Variants in PTPRD observed in about 807,000 individuals in gnomAD.
PTPRD encodes protein tyrosine phosphatase receptor type D, also known as receptor-type tyrosine-protein phosphatase delta.
In PTPRD, 34 loss-of-function variants were observed where a neutral mutation model predicts 214.5. The observed-to-expected ratio is 0.16, with a 90% CI of 0.12 to 0.21. The LOEUF (loss-of-function observed/expected upper bound fraction) is 0.21, where lower values mean the gene tolerates loss of function less well. Ranked by LOEUF, PTPRD falls within the 10% of genes least tolerant of loss-of-function variation. PTPRD has a pLI of 1.00. For missense variants in PTPRD, 2,545 were observed against 2,398.7 expected (o/e 1.06, Z -1.27); for synonymous variants, 1,128 against 845.7 (o/e 1.33, Z -5.79).
At chr9:8,520,300 G>A (rs1373216031) in intron 20 of PTPRD, among the ~76,000 whole-genome samples, 4 of 152,064 alleles carry the variant, frequency 2.6e-5, no homozygotes, top group Non-Finnish European at 5.9e-5. Flanking sequence ...TTGACAATGT[G>A]TACCTTTGTT....
At chr9:9,764,816 C>A (rs988490239) in intron 6 of PTPRD, among the ~76,000 whole-genome samples, 2 of 152,066 alleles carry the variant, frequency 1.3e-5, no homozygotes, top group African/African-American at 4.8e-5. Context: ...TCACGATCCC[C>A]CCAACTGCCT....
chr9:8,742,893 T>G (rs1329351801), intron 11 of PTPRD, among the ~76,000 whole-genome samples: 2 of 152,140 alleles, frequency 1.3e-5, no homozygotes, highest in Non-Finnish European at 2.9e-5. Context: ...CCTCAGGGAA[T>G]GCCTAGAGAC....
intron 10 of PTPRD, among the ~76,000 whole-genome samples, chr9:9,116,984 G>T (rs2099812981): frequency 6.6e-6 from 1 of 152,190 alleles, no homozygotes; most frequent in East Asian, 1.9e-4. Flanking sequence ...TGCTCAGGGT[G>T]TGTGTGTGTC....
At chr9:8,870,934 A>T (rs1371760419) in intron 11 of PTPRD, among the ~76,000 whole-genome samples, 6 of 152,170 alleles carry the variant, frequency 3.9e-5, no homozygotes, top group Non-Finnish European at 7.4e-5. Flanking sequence ...TGGGCATCCA[A>T]AAGGGTAGAA....
chr9:8,345,083 C>G (rs1336898542), intron 39 of PTPRD, among the ~76,000 whole-genome samples: 1 of 151,958 alleles, frequency 6.6e-6, no homozygotes, highest in African/African-American at 2.4e-5. Flanking sequence ...TCTACTCTCT[C>G]AAGCTGCTCT....
intron 4 of PTPRD, among the ~76,000 whole-genome samples, chr9:9,988,093 T>G (rs2095785767): frequency 6.6e-6 from 1 of 152,162 alleles, no homozygotes; most frequent in Non-Finnish European, 1.5e-5. Context: ...TTGGGAGTGT[T>G]TGATAGCTAA....
At chr9:9,494,509 C>T (rs534472385) in intron 8 of PTPRD, among the ~76,000 whole-genome samples, 4 of 152,134 alleles carry the variant, frequency 2.6e-5, no homozygotes, top group South Asian at 2.1e-4. Flanking sequence ...GAGCCTCCAC[C>T]GGCAAAATGA....
At chr9:8,789,939 G>C (rs1333777708) in intron 11 of PTPRD, among the ~76,000 whole-genome samples, 4 of 152,142 alleles carry the variant, frequency 2.6e-5, no homozygotes, top group Non-Finnish European at 5.9e-5. Flanking sequence ...GGAAATGACA[G>C]ATAAATTCCA....
At chr9:8,526,559 A>T in intron 17 of PTPRD, 68 bp downstream of exon 17, 1 of 1,383,414 alleles carries the variant, frequency 7.2e-7, no homozygotes, top group Non-Finnish European at 9.8e-7. Context: ...CAGGACAAAG[A>T]TGAGAGGGAT....
At chr9:9,429,621 T>C (rs966503537) in intron 8 of PTPRD, among the ~76,000 whole-genome samples, 2 of 152,058 alleles carry the variant, frequency 1.3e-5, no homozygotes, top group African/African-American at 4.8e-5. Flanking sequence ...TAGACCAATA[T>C]CCCTGATGAA....
Position 9,572,972 on chromosome 9 carries a change from T to G in PTPRD, c.-237+1760A>C, listed in dbSNP as rs76348299. On this transcript the variant is annotated intron_variant, in intron 8 of 45. Transcript: ENST00000381196. ...ATAAACACTTGGTGAATTGTCAATA[T>G]GTACTGAAGCAGAACATGAGCATAT... Among the ~76,000 whole-genome samples the G allele has an allele frequency of 3.3e-3, 499 of 151,736 alleles. 2 individuals are homozygous for G. The highest frequency in any genetic ancestry group is 0.011 in the African/African-American group (476 of 41,504).
At chr9:8,557,732 G>C (rs1219807608) in intron 14 of PTPRD, among the ~76,000 whole-genome samples, 1 of 120,508 alleles carries the variant, frequency 8.3e-6, no homozygotes, top group Non-Finnish European at 1.6e-5. Context: ...GACAGAGCGA[G>C]ACTGTCTCTC....
At chr9:8,947,244 A>T (rs527666824) in intron 11 of PTPRD, among the ~76,000 whole-genome samples, 1 of 151,742 alleles carries the variant, frequency 6.6e-6, no homozygotes, top group African/African-American at 2.4e-5. Flanking sequence ...TGGGTGGATC[A>T]TGAGGTCAGG....
At chr9:8,792,165 T>C (rs1224391077) in intron 11 of PTPRD, among the ~76,000 whole-genome samples, 1 of 151,922 alleles carries the variant, frequency 6.6e-6, no homozygotes, top group Non-Finnish European at 1.5e-5. Flanking sequence ...GGATAATGCA[T>C]TTGGCCTTGG....
intron 3 of PTPRD, among the ~76,000 whole-genome samples, chr9:10,313,158 G>C (rs898359479): frequency 6.6e-6 from 1 of 151,856 alleles, no homozygotes; most frequent in Non-Finnish European, 1.5e-5. Flanking sequence ...AATGCTGAAA[G>C]GAGCCTACAT....
intron 5 of PTPRD, among the ~76,000 whole-genome samples, chr9:9,885,207 G>C (rs1293729762): frequency 6.6e-6 from 1 of 151,942 alleles, no homozygotes; most frequent in African/African-American, 2.4e-5. Flanking sequence ...AATTAAAGAA[G>C]TATTAATATA....
intron 3 of PTPRD, among the ~76,000 whole-genome samples, chr9:10,119,451 C>G (rs1350506987): frequency 6.6e-6 from 1 of 151,886 alleles, no homozygotes; most frequent in African/African-American, 2.4e-5. Flanking sequence ...TAATTTAGTA[C>G]ATGAAAAATG....
intron 11 of PTPRD, among the ~76,000 whole-genome samples, chr9:8,902,022 C>G (rs542050125): frequency 1.3e-5 from 2 of 152,196 alleles, no homozygotes; most frequent in Non-Finnish European, 2.9e-5. Flanking sequence ...TCCAGTCAGC[C>G]TTTTTCTACA....
chr9:9,844,353 A>G (rs893420041), intron 5 of PTPRD, among the ~76,000 whole-genome samples: 6 of 152,142 alleles, frequency 3.9e-5, no homozygotes, highest in African/African-American at 1.4e-4. Flanking sequence ...AAACAGAAAG[A>G]CTAATACTAC....
Sources: allele counts gnomAD v4.1 joint callset (sites outside exome capture counted in the v4.1 genomes callset), GRCh38; gene constraint gnomAD v4.1.1; transcripts MANE v1.5; gene names NCBI Gene and HGNC (gene_info 2026-07-23, HGNC 2026-07-21).